The following ARHGAP45 variants were observed in gnomAD, a reference collection of about 807,000 sequenced individuals.
ARHGAP45 encodes Rho GTPase activating protein 45.
A neutral mutation model predicts 116.1 loss-of-function variants in ARHGAP45; 56 were observed. The ratio of observed to expected loss-of-function variants is 0.48; its 90% CI spans 0.39 to 0.60. ARHGAP45 has a LOEUF of 0.60. ARHGAP45 is among the 20% of genes least tolerant of loss of function. The pLI, the probability that ARHGAP45 is intolerant of heterozygous loss-of-function variation, is 0.00. For missense variants in ARHGAP45, 1,622 were observed against 1,601.0 expected (o/e 1.01, Z -0.22); for synonymous variants, 866 against 701.7 (o/e 1.23, Z -3.70).
chr19:1,074,305 C>A (rs1317122396), intron 7 of ARHGAP45, 38 bp from the exon 8 acceptor site: 1 of 1,611,846 alleles, frequency 6.2e-7, no homozygotes, highest in East Asian at 2.2e-5. Context: ...GCTGGGAAGG[C>A]CTTGTCCCAG....
intron 21 of ARHGAP45, among the ~76,000 whole-genome samples, 191 bp downstream of exon 21, chr19:1,083,544 C>G (rs979458715): frequency 6.6e-6 from 1 of 152,214 alleles, no homozygotes; most frequent in African/African-American, 2.4e-5. Flanking sequence ...TGCATTGAAT[C>G]TGGCAGAGGT....
rs748165428 is a variant in ARHGAP45, at chr19:1,068,488, C to T, written c.165C>T (p.Gly55=). ...TGGAGCCGCCCGCTGGGTCCTCCGG[C>T]GTCAAGGCCACAGGGACCCTCAAGC... is the stretch of plus-strand genomic sequence containing the variant. ...PSLEPPAGSS[G]VKATGTLKRP... is the part of the protein sequence containing the mutation. Residue 55 remains glycine, a synonymous_variant, in exon 2 of 23, where the codon GGC becomes GGT. Transcript: ENST00000313093. This position sits in a 1 kb window ranked among gnomAD's most constrained non-coding sequence, Gnocchi z 7.5. 5.7e-6 allele frequency: 9 copies of T among 1,589,908 alleles called. No homozygotes were observed. The highest frequency in any genetic ancestry group is 1.8e-5 in the Admixed American group (1 of 56,682).
At position 1,069,979 on chromosome 19, in the gene ARHGAP45, ATTTAT is replaced by A. The variant is rs1333331458; in HGVS notation, c.421+1248_421+1252del. On this transcript the variant is annotated intron_variant, in intron 2 of 22. Transcript: ENST00000313093. The surrounding 1 kb of genome is among the most constrained non-coding windows in gnomAD (Gnocchi z 4.1). The stretch of plus-strand genomic sequence containing the variant: ...CTACAGGCATGAGCCACTGCACCTG[ATTTAT>A]TTTATTTTATTTATTTTATTTGAGA... Among the ~76,000 whole-genome samples, 4 of 150,892 alleles carry A rather than the reference ATTTAT, an allele frequency of 2.7e-5. No individual in the cohort carries two copies. The highest frequency in any genetic ancestry group is 7.3e-5 in the African/African-American group (3 of 40,986).
chr19:1,074,554 G>A, intron 8 of ARHGAP45, 60 bp from the exon 9 acceptor site: 1 of 1,451,198 alleles, frequency 6.9e-7, no homozygotes. Context: ...GTGGCTGGGG[G>A]TGCTGGGGCC....
At position 1,084,105 on chromosome 19, in the gene ARHGAP45, C is replaced by T. The variant is rs1366223258; in HGVS notation, c.2956-133C>T. 9 of 806,204 alleles carry T rather than the reference C, an allele frequency of 1.1e-5. No individual in the cohort carries two copies. In the African/African-American group the frequency reaches 1.4e-4, roughly 12 times the overall value. The allele number at this position is 806,204 out of a possible 1,614,324, so 49.9% of individuals were successfully genotyped here. On this transcript the variant is annotated intron_variant, in intron 21 of 22. Transcript: ENST00000313093. ...GGGGCTGCGGTTTCTCGGGTTTGCT[C>T]TTGGCTGAGGACAGACCGCCTGGGC...
At chr19:1,074,925 G>A (rs1568461849) in intron 10 of ARHGAP45, 46 bp downstream of exon 10, 6 of 1,451,076 alleles carry the variant, frequency 4.1e-6, no homozygotes, top group Admixed American at 2.2e-5. Flanking sequence ...AGCGGGCCTC[G>A]GCGCAGGCGC....
intron 1 of ARHGAP45, 135 bp downstream of exon 1, chr19:1,067,630 C>T (rs879217271): frequency 3.5e-6 from 3 of 861,922 alleles, no homozygotes; most frequent in Non-Finnish European, 5.7e-6. Context: ...GGCGGGACGG[C>T]AGGGGCCACA....
rs745785243 is a variant in ARHGAP45 at position 1,074,625 on chromosome 19, G to A, written c.1005G>A (p.Pro335=). 55 of 1,594,188 alleles carry A rather than the reference G, an allele frequency of 3.5e-5. No individual in the cohort carries two copies. The highest frequency in any genetic ancestry group is 4.3e-6 in the Non-Finnish European group (5 of 1,171,170). ...TGCCCCACCCACAGCCCCACATGCC[G>A]CTCCTGTCCATCTACTCGCTGGCCC... ...RQSVMQEPHM[P]LLSIYSLALE... is the part of the protein sequence containing the mutation. Residue 335 remains proline, a synonymous_variant, in exon 9 of 23, where the codon CCG becomes CCA. Transcript: ENST00000313093.
upstream of ARHGAP45, among the ~76,000 whole-genome samples, chr19:1,066,799 C>T (rs1394815832): frequency 6.7e-6 from 1 of 150,128 alleles, no homozygotes; most frequent in Non-Finnish European, 1.5e-5. Flanking sequence ...TGGGGCCCGG[C>T]CACACCCTAG....
rs759668883 is a variant in ARHGAP45, at chr19:1,085,717, T to C, written c.3122T>C (p.Leu1041Pro). Reference protein sequence around the residue: ...DSDLEEASELLSSSEASALGH... With the variant: ...DSDLEEASELPSSSEASALGH... ...GACCTAGAGGAGGCCTCCGAGCTGC[T>C]GTCCTCATCGGAGGCCAGTGCCCTG... The change falls in exon 23 of 23, where the codon CTG becomes CCG. Residue 1041 changes from leucine to proline, a missense_variant. Around this residue, in one of 3 missense-constraint regions of ARHGAP45, gnomAD observed 1,334 missense variants for 1,263.8 expected, o/e 1.06. Coordinates refer to ENST00000313093, the MANE Select transcript of ARHGAP45 (RefSeq NM_012292.5). 2.2e-5 allele frequency: 35 copies of C among 1,609,064 alleles called. No individual in the cohort carries two copies. Among genetic ancestry groups the C allele is most frequent in the Non-Finnish European group, 2.6e-5 (31 of 1,177,890 alleles).
At position 1,080,522 on chromosome 19, in the gene ARHGAP45, T is replaced by G; in HGVS notation, c.1887T>G (p.Ser629Arg). The change falls in exon 15 of 23, where the codon AGT (serine) becomes AGG (arginine). Residue 629 changes from serine to arginine, a missense_variant. Around this residue, in one of 3 missense-constraint regions of ARHGAP45, gnomAD observed 1,334 missense variants for 1,263.8 expected, o/e 1.06. Coordinates refer to ENST00000313093, the MANE Select transcript of ARHGAP45 (RefSeq NM_012292.5). The part of the protein sequence containing the change: ...SWPLSISDSD[S>R]GLDPGPGAGD... ...CGCTCTCGATCTCAGACTCGGACAGTGGGCTGGACCCCGGCCCTGGCGCAG... is the reference window on the plus strand; with the variant it reads ...CGCTCTCGATCTCAGACTCGGACAGGGGGCTGGACCCCGGCCCTGGCGCAG... 1 of 1,612,858 alleles carries G rather than the reference T, an allele frequency of 6.2e-7. No individual in the cohort carries two copies. Among genetic ancestry groups the G allele is most frequent in the East Asian group, 2.2e-5 (1 of 44,884 alleles).
At position 1,068,665 on chromosome 19, in the gene ARHGAP45, G is replaced by A. The variant is rs1173257663; in HGVS notation, c.342G>A (p.Glu114=). ...AGGGTGCCGGCCCGGACGTCGTCGA[G>A]GACATCTCCCATCTGCTGGCGGACG... is the stretch of plus-strand genomic sequence containing the variant. The part of the protein sequence containing the change: ...PTEGAGPDVV[E]DISHLLADVA... Residue 114 remains glutamate (E), a synonymous_variant, in exon 2 of 23, where the codon GAG becomes GAA. Transcript: ENST00000313093. This position sits in a 1 kb window ranked among gnomAD's most constrained non-coding sequence, Gnocchi z 7.5. 1.9e-6 allele frequency: 3 copies of A among 1,612,558 alleles called. No homozygotes were observed. Among genetic ancestry groups the A allele is most frequent in the Non-Finnish European group, 2.5e-6 (3 of 1,180,026 alleles).
At chr19:1,074,049 G>A (rs1016375627) in intron 6 of ARHGAP45, 35 bp downstream of exon 6, 2 of 1,603,406 alleles carry the variant, frequency 1.2e-6, no homozygotes, top group East Asian at 2.2e-5. Flanking sequence ...AGGCATTTGA[G>A]GGGTGGGCCA....
In ARHGAP45 at chr19:1,079,924, G is replaced by T. The variant is rs957751288; in HGVS notation, c.1513-4G>T. 1 of 1,603,440 alleles carries T rather than the reference G, an allele frequency of 6.2e-7. No individual in the cohort carries two copies. The highest frequency in any genetic ancestry group is 1.3e-5 in the African/African-American group (1 of 74,840). ...ACCCCTCCGCTCTCCGGTGCCGCCC[G>T]CAGGCCACGATCTCCTACTACCAGA... On this transcript the variant is annotated splice_region_variant and splice_polypyrimidine_tract_variant and intron_variant, in intron 12 of 22. Coordinates refer to ENST00000313093, the MANE Select transcript of ARHGAP45 (RefSeq NM_012292.5).
chr19:1,067,635 G>A (rs1163386688), intron 1 of ARHGAP45, 140 bp downstream of exon 1: 1 of 848,828 alleles, frequency 1.2e-6, no homozygotes, highest in Admixed American at 2.0e-5. Context: ...GACGGCAGGG[G>A]CCACAGCAGA....
upstream of ARHGAP45, chr19:1,066,264 A>T: frequency 3.4e-6 from 2 of 580,652 alleles, no homozygotes; most frequent in Non-Finnish European, 5.0e-6. Flanking sequence ...GAGGGGGGAG[A>T]GAGTTCACAC....
At position 1,071,394 on chromosome 19, in the gene ARHGAP45, C is replaced by T; in HGVS notation, c.422-1755C>T. ...AGGTGCCGGGCGCTGGGTCCCGCCG[C>T]GTCCGGGAGCACGTGGCGCTCGGGC... On this transcript the variant is annotated intron_variant, in intron 2 of 22. Transcript: ENST00000313093. This position sits in a 1 kb window ranked among gnomAD's most constrained non-coding sequence, Gnocchi z 4.6. 3 of 1,175,628 alleles carry T rather than the reference C, an allele frequency of 2.6e-6. No homozygotes were observed. The highest frequency in any genetic ancestry group is 3.2e-6 in the Non-Finnish European group (3 of 949,936). The allele number at this position is 1,175,628 out of a possible 1,614,324, so 72.8% of individuals were successfully genotyped here. A position where few individuals can be genotyped will look rare whatever the true frequency, so the allele number is the denominator to read the frequency against.
intron 2 of ARHGAP45, among the ~76,000 whole-genome samples, chr19:1,070,859 C>T: frequency 6.6e-6 from 1 of 152,180 alleles, no homozygotes; most frequent in East Asian, 1.9e-4. Context: ...GGCTCTAGTC[C>T]CGATGTTTCT....
In ARHGAP45 at chr19:1,086,187, C is replaced by T. The variant is rs1440481280; in HGVS notation, c.*181C>T. 1 of 607,946 alleles carries T rather than the reference C, an allele frequency of 1.6e-6. No individual in the cohort carries two copies. The highest frequency in any genetic ancestry group is 2.9e-6 in the Non-Finnish European group (1 of 343,958). The allele number at this position is 607,946 out of a possible 1,614,324, so 37.7% of individuals were successfully genotyped here. On this transcript the variant is annotated 3_prime_UTR_variant, in exon 23 of 23. Coordinates refer to ENST00000313093, the MANE Select transcript of ARHGAP45 (RefSeq NM_012292.5). ...CAGAGGCTTCCAGGAGCACGAGGGC[C>T]TTGCGGCACAGGACTGTGCCCTGTG...
Sources: allele counts gnomAD v4.1 joint callset (sites outside exome capture counted in the v4.1 genomes callset), GRCh38; gene constraint gnomAD v4.1.1; regional missense constraint gnomAD v4.1.1; non-coding constraint Gnocchi (gnomAD v3.1); transcripts MANE v1.5; gene names NCBI Gene and HGNC (gene_info 2026-07-23, HGNC 2026-07-21).